WDR72: variants seen among roughly 807,000 people sequenced by gnomAD.
The protein encoded by WDR72 is WD repeat domain 72.
In WDR72, 120 loss-of-function variants were observed where a neutral mutation model predicts 124.2. The observed-to-expected ratio is 0.97, with a 90% CI of 0.83 to 1.12. The LOEUF is 1.12. WDR72 is among the 50% of genes most tolerant of loss of function. The pLI, the probability that WDR72 is intolerant of heterozygous loss-of-function variation, is 0.00. For synonymous variants in WDR72, 452 were observed against 441.7 expected (o/e 1.02, Z -0.29); for missense variants, 1,387 against 1,278.8 (o/e 1.08, Z -1.29).
At chr15:53,712,284 TATTA>T (rs538095266) in intron 7 of WDR72, among the ~76,000 whole-genome samples, 1 of 152,184 alleles carries the variant, frequency 6.6e-6, no homozygotes, top group Non-Finnish European at 1.5e-5. Context: ...ATCCTAATTT[TATTA>T]ATTAGAGAGT....
intron 14 of WDR72, among the ~76,000 whole-genome samples, chr15:53,659,930 T>G (rs756896735): frequency 5.8e-4 from 88 of 152,190 alleles, no homozygotes; most frequent in Admixed American, 1.8e-3. Context: ...TAAGTTGAGA[T>G]TCACCAAATC....
intron 14 of WDR72, among the ~76,000 whole-genome samples, chr15:53,647,489 C>T (rs988007544): frequency 1.3e-5 from 2 of 152,040 alleles, no homozygotes; most frequent in African/African-American, 4.8e-5. Context: ...CACTTTTCCA[C>T]AAAATTTCAT....
intron 17 of WDR72, 49 bp from the exon 18 acceptor site, chr15:53,597,323 C>T: frequency 6.3e-7 from 1 of 1,585,152 alleles, no homozygotes; most frequent in Non-Finnish European, 8.6e-7. Context: ...ATTACAAATG[C>T]TTGGGTATGT....
intron 1 of WDR72, among the ~76,000 whole-genome samples, chr15:53,735,296 A>T (rs2018320901): frequency 6.6e-6 from 1 of 152,148 alleles, no homozygotes; most frequent in Non-Finnish European, 1.5e-5. Context: ...GGGGAAAAAA[A>T]AGACCATGAC....
chr15:53,567,585 T>A (rs1284581194), intron 18 of WDR72, among the ~76,000 whole-genome samples: 1 of 152,016 alleles, frequency 6.6e-6, no homozygotes, highest in Non-Finnish European at 1.5e-5. Context: ...TATAACCAGT[T>A]TTATAAATAA....
chr15:53,743,958 G>C (rs75648006), intron 1 of WDR72, among the ~76,000 whole-genome samples: 8,936 of 145,736 alleles, frequency 0.061, 944 homozygotes, highest in African/African-American at 0.21. Flanking sequence ...CTGGGCGACA[G>C]AGCGAGACTC....
chr15:53,715,606 T>A (rs1030025698), intron 4 of WDR72, among the ~76,000 whole-genome samples: 1 of 152,146 alleles, frequency 6.6e-6, no homozygotes, highest in Non-Finnish European at 1.5e-5. Context: ...GTAATTTTAT[T>A]CTAAATCATG....
chr15:53,733,882 G>C (rs911907442), intron 1 of WDR72, among the ~76,000 whole-genome samples: 1 of 152,112 alleles, frequency 6.6e-6, no homozygotes, highest in Non-Finnish European at 1.5e-5. Flanking sequence ...GAAACACTGA[G>C]TTAAATATTC....
chr15:53,551,501 A>C (rs1893726841), intron 18 of WDR72, among the ~76,000 whole-genome samples: 1 of 152,110 alleles, frequency 6.6e-6, no homozygotes, highest in Admixed American at 6.5e-5. Context: ...GAATCAGGAG[A>C]TGCGTAAAGG....
rs1891519400 is a variant in WDR72, at chr15:53,517,324, T to G, written c.*375A>C. The G allele has an allele frequency of 3.8e-6, 1 of 263,578 alleles. No homozygotes were observed. Among genetic ancestry groups the G allele is most frequent in the South Asian group, 4.6e-5 (1 of 21,844 alleles). The allele number at this position is 263,578 out of a possible 1,614,324, so 16.3% of individuals were successfully genotyped here. ...AAGTAAGTATTGTGTACTACATTGGTTTTAACATTGTTTATTATATAATTC... is the reference window on the plus strand; with the variant it reads ...AAGTAAGTATTGTGTACTACATTGGGTTTAACATTGTTTATTATATAATTC... On this transcript the variant is annotated 3_prime_UTR_variant, in exon 20 of 20. Coordinates refer to ENST00000360509, the MANE Select transcript of WDR72 (RefSeq NM_182758.4).
At chr15:53,675,292 GAGA>G (rs1174337459) in intron 13 of WDR72, among the ~76,000 whole-genome samples, 1 of 150,230 alleles carries the variant, frequency 6.7e-6, no homozygotes, top group Non-Finnish European at 1.5e-5. Flanking sequence ...GCAGTGAGCT[GAGA>G]TTGCACCACT....
At chr15:53,605,936 C>A (rs1306679256) in intron 17 of WDR72, among the ~76,000 whole-genome samples, 1 of 152,182 alleles carries the variant, frequency 6.6e-6, no homozygotes, top group African/African-American at 2.4e-5. Context: ...CAGCAATACT[C>A]ATTTCCATTT....
chr15:53,702,105 T>C (rs1435151211), intron 12 of WDR72, 29 bp downstream of exon 12: 4 of 1,530,752 alleles, frequency 2.6e-6, no homozygotes, highest in South Asian at 2.4e-5. Context: ...TTTTCAAATT[T>C]AGATGTTATA....
chr15:53,737,980 T>C (rs1036154202), intron 1 of WDR72, among the ~76,000 whole-genome samples: 5 of 152,076 alleles, frequency 3.3e-5, no homozygotes, highest in African/African-American at 9.7e-5. Flanking sequence ...TCAATAAAAA[T>C]CTGAAATTGC....
At chr15:53,526,503 T>G (rs1045951765) in intron 18 of WDR72, among the ~76,000 whole-genome samples, 2 of 152,088 alleles carry the variant, frequency 1.3e-5, no homozygotes, top group Admixed American at 1.3e-4. Flanking sequence ...CTCTTTGAGC[T>G]TTTTCTAAAT....
At chr15:53,630,764 GA>G (rs1392687721) in intron 14 of WDR72, among the ~76,000 whole-genome samples, 1 of 152,274 alleles carries the variant, frequency 6.6e-6, no homozygotes, top group Non-Finnish European at 1.5e-5. Context: ...TACTTATGGT[GA>G]AAAACCAAAT....
In WDR72 at chr15:53,727,026, G is replaced by C. The variant is rs140720659; in HGVS notation, c.154-4118C>G. On this transcript the variant is annotated intron_variant, in intron 2 of 19. Coordinates refer to ENST00000360509, the MANE Select transcript of WDR72 (RefSeq NM_182758.4). ...AGTTGTCAATAATAAACCAAACATC[G>C]CCCCGGCACGGTCGGTGGCTCATGC... Among the ~76,000 whole-genome samples the C allele has an allele frequency of 4.0e-3, 603 of 151,616 alleles. 2 individuals are homozygous for C. Among genetic ancestry groups the C allele is most frequent in the African/African-American group, 0.014 (577 of 41,328 alleles).
At chr15:53,697,939 G>C (rs1490737392) in intron 13 of WDR72, among the ~76,000 whole-genome samples, 20 of 152,084 alleles carry the variant, frequency 1.3e-4, no homozygotes, top group Admixed American at 1.2e-3. Context: ...CTCCCGAGTA[G>C]CTGGGACTAC....
chr15:53,533,748 T>C (rs549699235), intron 18 of WDR72, among the ~76,000 whole-genome samples: 1 of 152,304 alleles, frequency 6.6e-6, no homozygotes, highest in South Asian at 2.1e-4. Context: ...CATTTGTGCC[T>C]CCGCACAGAT....
Sources: allele counts gnomAD v4.1 joint callset (sites outside exome capture counted in the v4.1 genomes callset), GRCh38; gene constraint gnomAD v4.1.1; transcripts MANE v1.5; gene names NCBI Gene and HGNC (gene_info 2026-07-23, HGNC 2026-07-21).